The following PAM variants were observed in gnomAD, a reference collection of about 807,000 sequenced individuals.
PAM encodes peptidyl-glycine alpha-amidating monooxygenase.
A neutral mutation model predicts 122.1 loss-of-function variants in PAM; 72 were observed. The ratio of observed to expected loss-of-function variants is 0.59; its 90% CI spans 0.49 to 0.72. PAM has a LOEUF of 0.72. PAM is among the 30% of genes least tolerant of loss of function. The pLI is 0.00. For missense variants in PAM, 1,106 were observed against 1,183.7 expected, an observed-to-expected ratio of 0.93 and a Z score of 0.96; for synonymous variants, 389 against 404.4, an observed-to-expected ratio of 0.96 and a Z score of 0.46.
At chr5:102,770,170 T>C (rs1459455271) in intron 1 of PAM, among the ~76,000 whole-genome samples, 3 of 152,154 alleles carry the variant, frequency 2.0e-5, no homozygotes, top group Non-Finnish European at 2.9e-5. Context: ...TGTTGGTATA[T>C]AGAAATGCTA....
At chr5:102,773,301 C>T (rs1018126994) in intron 1 of PAM, among the ~76,000 whole-genome samples, 2 of 152,030 alleles carry the variant, frequency 1.3e-5, no homozygotes, top group Admixed American at 6.6e-5. Context: ...GCAGTGACAA[C>T]GTAGAGGAGT....
chr5:102,813,386 A>T (rs767185826), intron 1 of PAM, among the ~76,000 whole-genome samples: 2 of 152,132 alleles, frequency 1.3e-5, no homozygotes, highest in African/African-American at 2.4e-5. Context: ...TCCAGGGGGA[A>T]TTTTTCCCAA....
At chr5:102,814,184 A>G (rs1016567521) in intron 1 of PAM, among the ~76,000 whole-genome samples, 9 of 152,216 alleles carry the variant, frequency 5.9e-5, no homozygotes, top group Admixed American at 5.2e-4. Context: ...GAATGAGCTC[A>G]CTAACGCAAA....
At chr5:102,952,910 C>T (rs893575375) in intron 12 of PAM, among the ~76,000 whole-genome samples, 1 of 152,114 alleles carries the variant, frequency 6.6e-6, no homozygotes, top group Admixed American at 6.6e-5. Flanking sequence ...TCCCACAGGA[C>T]ACAGATTTGA....
At chr5:102,860,390 A>G (rs553217588) in intron 1 of PAM, among the ~76,000 whole-genome samples, 5 of 152,334 alleles carry the variant, frequency 3.3e-5, no homozygotes, top group African/African-American at 1.2e-4. Flanking sequence ...AGGGGCAGAA[A>G]GCAAGGAAAT....
chr5:102,760,937 C>G (rs1241396776), intron 1 of PAM, among the ~76,000 whole-genome samples: 4 of 152,190 alleles, frequency 2.6e-5, no homozygotes, highest in Non-Finnish European at 5.9e-5. Context: ...TTACTCAAAT[C>G]ATGTGTGATT....
At chr5:102,874,038 A>G (rs1468511627) in intron 3 of PAM, among the ~76,000 whole-genome samples, 7 of 152,200 alleles carry the variant, frequency 4.6e-5, no homozygotes, top group African/African-American at 1.7e-4. Context: ...AAAATGCTGT[A>G]TCTCCTCCCT....
At chr5:102,890,770 G>T (rs2151270760) in intron 3 of PAM, among the ~76,000 whole-genome samples, 1 of 151,988 alleles carries the variant, frequency 6.6e-6, no homozygotes, top group Non-Finnish European at 1.5e-5. Flanking sequence ...AGGAGGTTTA[G>T]GGAAGAATAC....
chr5:102,894,844 A>G (rs2151315307), intron 3 of PAM, among the ~76,000 whole-genome samples: 1 of 151,822 alleles, frequency 6.6e-6, no homozygotes, highest in Middle Eastern at 3.4e-3. Context: ...CTCCCCAGTC[A>G]TGTCTATTTT....
intron 1 of PAM, among the ~76,000 whole-genome samples, chr5:102,804,101 G>A (rs1765600743): frequency 6.6e-6 from 1 of 152,130 alleles, no homozygotes; most frequent in Non-Finnish European, 1.5e-5. Flanking sequence ...CAGGCCTGGA[G>A]GAGGGAAAGT....
chr5:102,784,422 A>T (rs1317750325), intron 1 of PAM, among the ~76,000 whole-genome samples: 1 of 152,134 alleles, frequency 6.6e-6, no homozygotes. Flanking sequence ...GCTTGGAAAA[A>T]TTTAGGTATC....
intron 1 of PAM, among the ~76,000 whole-genome samples, chr5:102,783,792 G>C (rs926607355): frequency 6.6e-6 from 1 of 152,126 alleles, no homozygotes; most frequent in Non-Finnish European, 1.5e-5. Flanking sequence ...TGCCGTCAGG[G>C]AGCATACCAG....
intron 17 of PAM, among the ~76,000 whole-genome samples, chr5:103,004,552 G>T (rs1294072499): frequency 6.6e-6 from 1 of 152,142 alleles, no homozygotes; most frequent in Non-Finnish European, 1.5e-5. Flanking sequence ...CTCAGTCCAG[G>T]TTCCTTACCT....
At chr5:102,987,519 TAGAAG>T (rs759676158) in intron 15 of PAM, 2 of 455,578 alleles carry the variant, frequency 4.4e-6, no homozygotes, top group African/African-American at 2.0e-5. Flanking sequence ...TCCAAATAGC[TAGAAG>T]AGAAGATATG....
At chr5:102,769,047 T>G (rs1754988863) in intron 1 of PAM, among the ~76,000 whole-genome samples, 1 of 152,172 alleles carries the variant, frequency 6.6e-6, no homozygotes, top group African/African-American at 2.4e-5. Context: ...CCATTTTAAC[T>G]GGGGTGAGAT....
At chr5:102,983,515 AATATG>A (rs996048490) in intron 15 of PAM, among the ~76,000 whole-genome samples, 1 of 152,168 alleles carries the variant, frequency 6.6e-6, no homozygotes, top group Admixed American at 6.5e-5. Context: ...AAGCCTATGT[AATATG>A]ATATATAGGA....
At chr5:103,025,644 A>G (rs755570506) in intron 24 of PAM, among the ~76,000 whole-genome samples, 33 of 152,180 alleles carry the variant, frequency 2.2e-4, no homozygotes, top group Non-Finnish European at 4.6e-4. Context: ...TAGAGTCAGT[A>G]TAAATTAGCT....
chr5:102,861,724 G>A (rs1160285124), intron 1 of PAM, among the ~76,000 whole-genome samples: 2 of 152,170 alleles, frequency 1.3e-5, no homozygotes, highest in African/African-American at 4.8e-5. Flanking sequence ...TTTTTAGGAA[G>A]TTATACTAAA....
chr5:102,769,579 A>G (rs529995434), intron 1 of PAM, among the ~76,000 whole-genome samples: 4 of 152,158 alleles, frequency 2.6e-5, no homozygotes, highest in Non-Finnish European at 5.9e-5. Flanking sequence ...ATGAGTATCC[A>G]GTTTTCCCAG....
Sources: allele counts gnomAD v4.1 joint callset (sites outside exome capture counted in the v4.1 genomes callset), GRCh38; gene constraint gnomAD v4.1.1; transcripts MANE v1.5; gene names NCBI Gene and HGNC (gene_info 2026-07-23, HGNC 2026-07-21).